The following HCN1 variants were observed in gnomAD, a reference collection of about 807,000 sequenced individuals.
The protein encoded by HCN1 is hyperpolarization activated cyclic nucleotide gated potassium channel 1.
A neutral mutation model predicts 78.9 loss-of-function variants in HCN1; 13 were observed. The ratio of observed to expected loss-of-function variants is 0.16; its 90% CI spans 0.11 to 0.26. The LOEUF is 0.26. Among genes scored for constraint, HCN1 ranks in the 10% least tolerant of loss-of-function variants. The pLI is 1.00. For missense variants in HCN1, 810 were observed against 1,154.3 expected, an observed-to-expected ratio of 0.70 and a Z score of 4.32; for synonymous variants, 552 against 455.5, an observed-to-expected ratio of 1.21 and a Z score of -2.70.
chr5:45,278,167 T>A (rs1745101138), intron 6 of HCN1, among the ~76,000 whole-genome samples: 2 of 152,106 alleles, frequency 1.3e-5, no homozygotes, highest in South Asian at 4.1e-4. Context: ...CTCTTTCAGG[T>A]CCAGAAGTTC....
intron 6 of HCN1, among the ~76,000 whole-genome samples, chr5:45,280,612 T>G (rs1315178750): frequency 1.3e-5 from 2 of 152,212 alleles, no homozygotes; most frequent in African/African-American, 4.8e-5. Flanking sequence ...GGAGTGCTCA[T>G]GAGGACATAT....
chr5:45,393,864 A>G (rs1412024617), intron 4 of HCN1, among the ~76,000 whole-genome samples: 1 of 152,202 alleles, frequency 6.6e-6, no homozygotes, highest in Non-Finnish European at 1.5e-5. Flanking sequence ...GCTGTCTTCT[A>G]TGCAAGTAAA....
chr5:45,631,155 G>A (rs1023895144), intron 2 of HCN1, among the ~76,000 whole-genome samples: 4 of 152,136 alleles, frequency 2.6e-5, no homozygotes, highest in Admixed American at 1.3e-4. Context: ...TTGGTGATCC[G>A]TTCAAGACAT....
intron 1 of HCN1, among the ~76,000 whole-genome samples, chr5:45,676,917 A>T (rs1405927576): frequency 6.6e-6 from 1 of 151,824 alleles, no homozygotes; most frequent in Non-Finnish European, 1.5e-5. Context: ...TCTAGCCATC[A>T]ATCTGTCTAT....
At chr5:45,668,617 C>T (rs1387487979) in intron 1 of HCN1, among the ~76,000 whole-genome samples, 2 of 151,872 alleles carry the variant, frequency 1.3e-5, no homozygotes, top group Non-Finnish European at 2.9e-5. Flanking sequence ...ACTACAGATA[C>T]ATATTACTGA....
At chr5:45,283,487 G>A (rs994414136) in intron 6 of HCN1, among the ~76,000 whole-genome samples, 2 of 152,078 alleles carry the variant, frequency 1.3e-5, no homozygotes, top group Admixed American at 1.3e-4. Context: ...CAAAGGACAT[G>A]AACAGACACT....
intron 5 of HCN1, among the ~76,000 whole-genome samples, chr5:45,345,733 A>G (rs1455110295): frequency 6.6e-6 from 1 of 152,174 alleles, no homozygotes; most frequent in Non-Finnish European, 1.5e-5. Context: ...AAGCCATTCA[A>G]CAAGTCTCTA....
chr5:45,519,701 A>T (rs1341575495), intron 2 of HCN1, among the ~76,000 whole-genome samples: 1 of 151,974 alleles, frequency 6.6e-6, no homozygotes. Context: ...TTATTCATAG[A>T]ATCTCATTAT....
At chr5:45,462,688 G>A (rs1233845653) in intron 2 of HCN1, among the ~76,000 whole-genome samples, 1 of 151,834 alleles carries the variant, frequency 6.6e-6, no homozygotes, top group African/African-American at 2.4e-5. Flanking sequence ...CTTATTGTTT[G>A]TATTTTGATG....
intron 2 of HCN1, among the ~76,000 whole-genome samples, chr5:45,511,780 C>G (rs1442107170): frequency 6.6e-6 from 1 of 151,980 alleles, no homozygotes; most frequent in Non-Finnish European, 1.5e-5. Context: ...GACTAAAAAA[C>G]TAAGCAATAT....
At chr5:45,505,333 T>C (rs1361380371) in intron 2 of HCN1, among the ~76,000 whole-genome samples, 1 of 152,208 alleles carries the variant, frequency 6.6e-6, no homozygotes, top group Non-Finnish European at 1.5e-5. Flanking sequence ...TAGCCAGTTT[T>C]CCCAGCACCA....
intron 5 of HCN1, among the ~76,000 whole-genome samples, chr5:45,331,920 A>G (rs539832598): frequency 6.6e-6 from 1 of 151,648 alleles, no homozygotes; most frequent in South Asian, 2.1e-4. Context: ...TTCAAAATCA[A>G]ATGATATTAG....
chr5:45,443,205 T>C (rs1449776639), intron 3 of HCN1, among the ~76,000 whole-genome samples: 1 of 152,058 alleles, frequency 6.6e-6, no homozygotes, highest in Non-Finnish European at 1.5e-5. Flanking sequence ...CGAAGAGGCA[T>C]ATACAGGGCA....
chr5:45,604,293 A>G (rs548213246), intron 2 of HCN1, among the ~76,000 whole-genome samples: 1 of 152,112 alleles, frequency 6.6e-6, no homozygotes, highest in South Asian at 2.1e-4. Context: ...CAGTGTCTAA[A>G]GTGATACCGC....
At chr5:45,608,188 A>C (rs1188661637) in intron 2 of HCN1, among the ~76,000 whole-genome samples, 1 of 152,028 alleles carries the variant, frequency 6.6e-6, no homozygotes, top group East Asian at 1.9e-4. Context: ...TATTTAGAAA[A>C]TTGTAAAATT....
At chr5:45,557,698 G>A (rs1743500409) in intron 2 of HCN1, among the ~76,000 whole-genome samples, 1 of 151,978 alleles carries the variant, frequency 6.6e-6, no homozygotes, top group Non-Finnish European at 1.5e-5. Context: ...TACTATATCT[G>A]TTATAGTGAT....
chr5:45,578,000 C>A (rs1743984740), intron 2 of HCN1, among the ~76,000 whole-genome samples: 1 of 151,994 alleles, frequency 6.6e-6, no homozygotes, highest in Non-Finnish European at 1.5e-5. Context: ...TTAGAACTCA[C>A]AGTAGTGATG....
chr5:45,372,703 G>A (rs1014558458), intron 4 of HCN1, among the ~76,000 whole-genome samples: 9 of 136,646 alleles, frequency 6.6e-5, no homozygotes, highest in South Asian at 4.7e-4. Context: ...AAATATATAC[G>A]TATTTATATA....
chr5:45,294,101 C>T (rs1042500980), intron 6 of HCN1, among the ~76,000 whole-genome samples: 2 of 151,876 alleles, frequency 1.3e-5, no homozygotes, highest in South Asian at 2.1e-4. Flanking sequence ...TTTCCTTATG[C>T]CTTCTAGAAA....
Sources: gnomAD v4.1 joint callset for allele counts (sites outside exome capture counted in the v4.1 genomes callset) on GRCh38, gnomAD v4.1.1 for gene constraint, MANE v1.5 for transcripts, NCBI Gene and HGNC (gene_info 2026-07-23, HGNC 2026-07-21) for gene names.